The following IKZF2 variants were observed in gnomAD, a reference collection of about 807,000 sequenced individuals.
The protein encoded by IKZF2 is IKAROS family zinc finger 2, also known as zinc finger protein Helios.
IKZF2 carries 15 observed loss-of-function variants against 49.2 expected under a neutral mutation model. The observed-to-expected ratio is 0.30, with a 90% CI of 0.20 to 0.47. IKZF2 has a LOEUF of 0.47. Among genes scored for constraint, IKZF2 ranks in the 20% least tolerant of loss-of-function variants. The pLI is 1.00. For missense variants in IKZF2, 567 were observed against 664.6 expected (o/e 0.85, Z 1.61); for synonymous variants, 227 against 221.4 (o/e 1.03, Z -0.23).
At chr2:213,098,504 C>T in intron 4 of IKZF2, among the ~76,000 whole-genome samples, 1 of 152,072 alleles carries the variant, frequency 6.6e-6, no homozygotes, top group Non-Finnish European at 1.5e-5. Flanking sequence ...TTCCATCACA[C>T]CATCTTAATT....
rs527306514 is a variant in IKZF2 at position 213,068,492 on chromosome 2, A to G, written c.140-11393T>C. ...AAGGATCTTAAGGTCCCTTCAATCT[A>G]TGGTATCTATCTATGATTACAGAAT... On this transcript the variant is annotated intron_variant, in intron 4 of 8. Transcript: ENST00000434687. Among the ~76,000 whole-genome samples, 50 of 152,224 alleles carry G rather than the reference A, an allele frequency of 3.3e-4. 1 individual carries two copies. In the South Asian group the frequency reaches 0.01, roughly 31 times the overall value.
chr2:213,073,799 T>C (rs148878803), intron 4 of IKZF2, among the ~76,000 whole-genome samples: 1 of 152,340 alleles, frequency 6.6e-6, no homozygotes, highest in African/African-American at 2.4e-5. Flanking sequence ...AACCTCCACA[T>C]CTCTAAATAA....
intron 4 of IKZF2, among the ~76,000 whole-genome samples, chr2:213,080,198 A>ATAGATAGATAGATAGATAGATAGG (rs142164690): frequency 0.18 from 27,499 of 151,714 alleles, 2,755 homozygotes; most frequent in Middle Eastern, 0.24. Context: ...AGATAGATAG[A>ATAGATAGATAGATAGATAGATAGG]TAGATAGATA....
At chr2:213,020,236 T>C (rs1428436062) in intron 7 of IKZF2, among the ~76,000 whole-genome samples, 1 of 152,176 alleles carries the variant, frequency 6.6e-6, no homozygotes, top group Non-Finnish European at 1.5e-5. Context: ...ACAGTGTATT[T>C]GGTCAGCAAA....
At chr2:213,014,126 T>G (rs1056095691) in intron 7 of IKZF2, 192 bp from the exon 8 acceptor site, 1 of 445,838 alleles carries the variant, frequency 2.2e-6, no homozygotes. Context: ...AGAGGATTTG[T>G]TTTTATTTGA....
At chr2:213,055,457 TA>T (rs149807404) in intron 5 of IKZF2, among the ~76,000 whole-genome samples, 1 of 151,734 alleles carries the variant, frequency 6.6e-6, no homozygotes, top group Non-Finnish European at 1.5e-5. Flanking sequence ...AAAAAGGAGA[TA>T]AAAAACGAAA....
chr2:213,042,198 C>T (rs534931041), intron 6 of IKZF2, among the ~76,000 whole-genome samples: 22 of 135,442 alleles, frequency 1.6e-4, no homozygotes, highest in South Asian at 2.7e-4. Context: ...AATAAACATA[C>T]GAGCTGTGTC....
chr2:213,031,138 T>C (rs1559182891), intron 6 of IKZF2, among the ~76,000 whole-genome samples: 1 of 152,220 alleles, frequency 6.6e-6, no homozygotes. Flanking sequence ...GTTAATACTG[T>C]TTACTCTTCT....
chr2:213,127,384 T>C (rs1048521135), intron 4 of IKZF2, among the ~76,000 whole-genome samples: 2 of 152,160 alleles, frequency 1.3e-5, no homozygotes, highest in Non-Finnish European at 2.9e-5. Context: ...TAGTTCTCTT[T>C]CTAAATCCTA....
Position 213,072,650 on chromosome 2 carries a change from A to C in IKZF2, c.140-15551T>G, listed in dbSNP as rs920035687. Among the ~76,000 whole-genome samples, 14 of 152,254 alleles carry C rather than the reference A, an allele frequency of 9.2e-5. No individual in the cohort carries two copies. In the East Asian group the frequency reaches 2.7e-3, roughly 29 times the overall value. ...TCTTGAAAGTTAAGTCTGTTAAGAG[A>C]AAGGACCATATTTATTTGTTTCCCC... On this transcript the variant is annotated intron_variant, in intron 4 of 8. Coordinates refer to ENST00000434687, the MANE Select transcript of IKZF2 (RefSeq NM_001387220.1).
At chr2:213,106,915 T>A (rs1019918621) in intron 4 of IKZF2, among the ~76,000 whole-genome samples, 8 of 152,098 alleles carry the variant, frequency 5.3e-5, no homozygotes, top group African/African-American at 1.2e-4. Flanking sequence ...GTCAAAAAAA[T>A]TTTAATTTTA....
chr2:213,043,589 A>G (rs925472966), intron 6 of IKZF2, among the ~76,000 whole-genome samples: 1 of 152,224 alleles, frequency 6.6e-6, no homozygotes, highest in Non-Finnish European at 1.5e-5. Flanking sequence ...GACCAGTTTC[A>G]TGGAAGACAG....
At chr2:213,036,893 G>C (rs1699089430) in intron 6 of IKZF2, among the ~76,000 whole-genome samples, 1 of 152,126 alleles carries the variant, frequency 6.6e-6, no homozygotes, top group South Asian at 2.1e-4. Context: ...AGGAAAAATT[G>C]AAAGAAATGG....
intron 4 of IKZF2, 130 bp from the exon 5 acceptor site, chr2:213,057,229 C>T: frequency 1.3e-6 from 1 of 799,576 alleles, no homozygotes; most frequent in Non-Finnish European, 1.9e-6. Flanking sequence ...AGTTCATCAT[C>T]GAATGCCATG....
At chr2:213,132,076 A>G (rs1055924217) in intron 4 of IKZF2, among the ~76,000 whole-genome samples, 1 of 152,080 alleles carries the variant, frequency 6.6e-6, no homozygotes, top group Non-Finnish European at 1.5e-5. Flanking sequence ...CCTCACAACA[A>G]CTCCAAGAGA....
chr2:213,024,812 A>G (rs1008914076), intron 6 of IKZF2, among the ~76,000 whole-genome samples: 1 of 152,094 alleles, frequency 6.6e-6, no homozygotes, highest in Non-Finnish European at 1.5e-5. Flanking sequence ...TATCCATTTC[A>G]TACTATTTCT....
chr2:213,128,718 G>C (rs6733059), intron 4 of IKZF2, among the ~76,000 whole-genome samples: 20,787 of 151,216 alleles, frequency 0.14, 3,336 homozygotes, highest in African/African-American at 0.39. Context: ...ACCTCCACCC[G>C]CCAAGTTCAA....
intron 4 of IKZF2, among the ~76,000 whole-genome samples, chr2:213,099,203 C>G (rs951927586): frequency 6.6e-6 from 1 of 151,988 alleles, no homozygotes; most frequent in African/African-American, 2.4e-5. Flanking sequence ...TCAGCCTCCT[C>G]CCCCCATCCT....
intron 4 of IKZF2, among the ~76,000 whole-genome samples, chr2:213,080,459 G>T (rs76611777): frequency 0.058 from 8,783 of 152,114 alleles, 404 homozygotes; most frequent in East Asian, 0.16. Context: ...ATGAATGGGG[G>T]AGCAACAGTT....
Sources: gnomAD v4.1 joint callset for allele counts (sites outside exome capture counted in the v4.1 genomes callset) on GRCh38, gnomAD v4.1.1 for gene constraint, MANE v1.5 for transcripts, NCBI Gene and HGNC (gene_info 2026-07-23, HGNC 2026-07-21) for gene names.